CHCHD3: variants seen among roughly 807,000 people sequenced by gnomAD.
CHCHD3 encodes coiled-coil-helix-coiled-coil-helix domain containing 3.
A neutral mutation model predicts 38.2 loss-of-function variants in CHCHD3; 20 were observed. The ratio of observed to expected loss-of-function variants is 0.52; its 90% CI spans 0.37 to 0.76. CHCHD3 has a LOEUF of 0.76. Ranked by LOEUF, CHCHD3 falls within the 30% of genes least tolerant of loss-of-function variation. CHCHD3 has a pLI of 0.00. For synonymous variants in CHCHD3, 82 were observed against 100.0 expected, an observed-to-expected ratio of 0.82 and a Z score of 1.07; for missense variants, 245 against 279.2, an observed-to-expected ratio of 0.88 and a Z score of 0.87.
At chr7:133,070,789 G>A (rs1814799645) in intron 1 of CHCHD3, among the ~76,000 whole-genome samples, 1 of 152,138 alleles carries the variant, frequency 6.6e-6, no homozygotes, top group African/African-American at 2.4e-5. Context: ...CAACCATCAG[G>A]CATTTAAATA....
At chr7:132,949,377 G>A (rs1386549763) in intron 4 of CHCHD3, among the ~76,000 whole-genome samples, 1 of 152,040 alleles carries the variant, frequency 6.6e-6, no homozygotes. Flanking sequence ...CCCACTGCCC[G>A]GAACAAGAAG....
At chr7:132,851,190 C>T (rs1808211715) in intron 5 of CHCHD3, among the ~76,000 whole-genome samples, 1 of 152,152 alleles carries the variant, frequency 6.6e-6, no homozygotes, top group Admixed American at 6.5e-5. Context: ...TGAGAAGATA[C>T]TTTTCTTTCT....
chr7:132,956,847 T>C (rs181433017), intron 4 of CHCHD3, among the ~76,000 whole-genome samples: 157 of 152,284 alleles, frequency 1.0e-3, no homozygotes, highest in African/African-American at 3.6e-3. Context: ...GTTAGGTAAA[T>C]GGTGGGAAGG....
intron 6 of CHCHD3, among the ~76,000 whole-genome samples, chr7:132,804,643 T>TA (rs2117041392): frequency 6.6e-6 from 1 of 152,314 alleles, no homozygotes; most frequent in South Asian, 2.1e-4. Flanking sequence ...TGACACATTC[T>TA]AAAAAACTAG....
chr7:133,047,221 T>C (rs1437913762), intron 2 of CHCHD3, among the ~76,000 whole-genome samples: 1 of 152,200 alleles, frequency 6.6e-6, no homozygotes, highest in African/African-American at 2.4e-5. Context: ...AAAAAATGTT[T>C]CAGAGGCAAG....
At chr7:132,818,154 T>G (rs985489728) in intron 6 of CHCHD3, among the ~76,000 whole-genome samples, 7 of 152,240 alleles carry the variant, frequency 4.6e-5, no homozygotes, top group Admixed American at 1.3e-4. Flanking sequence ...ATGTGATATC[T>G]TCTTCATGTG....
intron 2 of CHCHD3, among the ~76,000 whole-genome samples, chr7:133,030,816 T>A (rs1813480347): frequency 6.6e-6 from 1 of 152,210 alleles, no homozygotes; most frequent in Non-Finnish European, 1.5e-5. Flanking sequence ...TAAACACTGA[T>A]CATAAAACAT....
chr7:132,952,989 T>C (rs1483774291), intron 4 of CHCHD3, among the ~76,000 whole-genome samples: 2 of 152,234 alleles, frequency 1.3e-5, no homozygotes, highest in Non-Finnish European at 2.9e-5. Context: ...CTCAATATTA[T>C]ATTCAATACC....
chr7:132,991,526 C>T (rs1309542732), intron 3 of CHCHD3, among the ~76,000 whole-genome samples: 7 of 151,898 alleles, frequency 4.6e-5, no homozygotes, highest in Non-Finnish European at 7.4e-5. Context: ...TTCCCTTTTC[C>T]TCATTTTCCT....
intron 4 of CHCHD3, among the ~76,000 whole-genome samples, chr7:132,932,144 T>G (rs1384548803): frequency 6.6e-6 from 1 of 152,194 alleles, no homozygotes; most frequent in Non-Finnish European, 1.5e-5. Flanking sequence ...AGCCTGACAC[T>G]CACAGCAGCT....
intron 5 of CHCHD3, among the ~76,000 whole-genome samples, chr7:132,863,823 A>T (rs1281448748): frequency 6.6e-6 from 1 of 152,152 alleles, no homozygotes; most frequent in Non-Finnish European, 1.5e-5. Context: ...AAACCTCATG[A>T]TCAACCTGTG....
intron 4 of CHCHD3, among the ~76,000 whole-genome samples, chr7:132,898,764 T>G (rs1441338958): frequency 6.6e-6 from 1 of 152,238 alleles, no homozygotes; most frequent in Non-Finnish European, 1.5e-5. Context: ...GGAAGGCAGC[T>G]AAGGCCCGGC....
intron 5 of CHCHD3, among the ~76,000 whole-genome samples, chr7:132,873,117 A>G (rs1439088178): frequency 6.6e-6 from 1 of 152,036 alleles, no homozygotes; most frequent in Non-Finnish European, 1.5e-5. Context: ...ATAAAAATGA[A>G]GAGGGGGAGG....
intron 5 of CHCHD3, among the ~76,000 whole-genome samples, chr7:132,873,879 CTGA>C (rs1364193527): frequency 3.9e-5 from 6 of 152,042 alleles, no homozygotes; most frequent in Non-Finnish European, 1.5e-5. Context: ...AGTAATTACA[CTGA>C]TGTTTAATTT....
intron 3 of CHCHD3, among the ~76,000 whole-genome samples, chr7:132,984,478 C>G (rs1477016738): frequency 6.8e-6 from 1 of 147,996 alleles, no homozygotes; most frequent in Non-Finnish European, 1.5e-5. Context: ...CTCTGCCCGG[C>G]CGCCACCCCA....
At chr7:133,030,746 C>A (rs1813478194) in intron 2 of CHCHD3, among the ~76,000 whole-genome samples, 2 of 152,142 alleles carry the variant, frequency 1.3e-5, no homozygotes, top group South Asian at 2.1e-4. Context: ...ATTTCTTTCT[C>A]AATGGTGAAT....
intron 4 of CHCHD3, among the ~76,000 whole-genome samples, chr7:132,927,059 G>C (rs1667338759): frequency 6.6e-6 from 1 of 152,134 alleles, no homozygotes; most frequent in African/African-American, 2.4e-5. Context: ...GAACTTTAGG[G>C]AGCACAGGCT....
At chr7:132,932,805 C>T (rs1810546578) in intron 4 of CHCHD3, among the ~76,000 whole-genome samples, 2 of 152,302 alleles carry the variant, frequency 1.3e-5, no homozygotes, top group Admixed American at 6.5e-5. Flanking sequence ...TGACTCAGAG[C>T]CCTGACTTAT....
At chr7:133,072,825 C>CAAA (rs34614646) in intron 1 of CHCHD3, among the ~76,000 whole-genome samples, 4 of 123,000 alleles carry the variant, frequency 3.3e-5, no homozygotes, top group Admixed American at 8.3e-5. Context: ...GACTCCGTCT[C>CAAA]AAAAAAAAAA....
Sources: allele counts gnomAD v4.1 joint callset (sites outside exome capture counted in the v4.1 genomes callset), GRCh38; gene constraint gnomAD v4.1.1; transcripts MANE v1.5; gene names NCBI Gene and HGNC (gene_info 2026-07-23, HGNC 2026-07-21).